The following COMMD7 variants were observed in gnomAD, a reference collection of about 807,000 sequenced individuals.
COMMD7 encodes COMM domain containing 7.
Under a neutral mutation model 34.8 loss-of-function variants are expected in COMMD7, and 28 were observed. The ratio of observed to expected loss-of-function variants is 0.80; its 90% CI spans 0.60 to 1.10. The LOEUF (loss-of-function observed/expected upper bound fraction) is 1.10. COMMD7 is among the 50% of genes least tolerant of loss of function. COMMD7 has a pLI of 0.00. For missense variants in COMMD7, 211 were observed against 241.6 expected (o/e 0.87, Z 0.84); for synonymous variants, 80 against 86.4 (o/e 0.93, Z 0.41).
At chr20:32,729,458 G>A (rs1278919383) in intron 1 of COMMD7, among the ~76,000 whole-genome samples, 1 of 151,778 alleles carries the variant, frequency 6.6e-6, no homozygotes, top group African/African-American at 2.4e-5. Flanking sequence ...ATGACCCACC[G>A]TGCCCAGCCT....
intron 1 of COMMD7, among the ~76,000 whole-genome samples, chr20:32,731,785 T>A (rs768995456): frequency 6.6e-6 from 1 of 152,230 alleles, no homozygotes; most frequent in Non-Finnish European, 1.5e-5. Context: ...CCTTTGCAAT[T>A]GCATAGGTGC....
In COMMD7 at chr20:32,727,284, C is replaced by T. The variant is rs184572164; in HGVS notation, c.241+609G>A. ...TAGATTCAGGCCGGGTACGGTGGCT[C>T]ACGCCTGTAATCCCAGCACTATGGG... On this transcript the variant is annotated intron_variant, in intron 3 of 8. Transcript: ENST00000278980. Among the ~76,000 whole-genome samples, 9 of 151,614 alleles carry T rather than the reference C, an allele frequency of 5.9e-5. No individual in the cohort carries two copies. The East Asian group carries it at 1.6e-3, about 26-fold the overall frequency.
At chr20:32,704,371 C>T (rs777653329) in intron 7 of COMMD7, 69 bp downstream of exon 7, 51 of 1,334,666 alleles carry the variant, frequency 3.8e-5, no homozygotes, top group Non-Finnish European at 4.9e-5. Flanking sequence ...ATCCATTTAA[C>T]CCAATGTAGA....
chr20:32,728,564 C>T (rs1238379886), intron 1 of COMMD7, among the ~76,000 whole-genome samples: 2 of 151,706 alleles, frequency 1.3e-5, no homozygotes, highest in African/African-American at 2.4e-5. Context: ...TATTTTCTTT[C>T]TTTTCTTTTT....
intron 3 of COMMD7, among the ~76,000 whole-genome samples, chr20:32,717,936 A>G (rs1984898682): frequency 6.6e-6 from 1 of 151,976 alleles, no homozygotes; most frequent in South Asian, 2.1e-4. Flanking sequence ...AAAGAAAAAA[A>G]AAAAGAGCCT....
chr20:32,720,810 A>G (rs930545322), intron 3 of COMMD7, among the ~76,000 whole-genome samples: 2 of 152,206 alleles, frequency 1.3e-5, no homozygotes, highest in Non-Finnish European at 2.9e-5. Flanking sequence ...CATAAAAAGA[A>G]GGAAAATACA....
chr20:32,730,661 C>T (rs887585504), intron 1 of COMMD7, among the ~76,000 whole-genome samples: 11 of 152,136 alleles, frequency 7.2e-5, no homozygotes, highest in South Asian at 2.1e-4. Flanking sequence ...CAGTGTTCTC[C>T]GTTGACTACT....
intron 8 of COMMD7, 89 bp from the exon 9 acceptor site, chr20:32,703,547 T>C: frequency 6.5e-7 from 1 of 1,529,150 alleles, no homozygotes; most frequent in Non-Finnish European, 8.8e-7. Flanking sequence ...GGATTTTTTT[T>C]TTCTTTTTTG....
At chr20:32,735,100 T>C (rs983459042) in intron 1 of COMMD7, among the ~76,000 whole-genome samples, 1 of 143,228 alleles carries the variant, frequency 7.0e-6, no homozygotes, top group Admixed American at 7.1e-5. Context: ...TAGCTGGGCA[T>C]AATGGTGAGC....
At chr20:32,712,592 G>A (rs1984526578) in intron 3 of COMMD7, among the ~76,000 whole-genome samples, 1 of 143,498 alleles carries the variant, frequency 7.0e-6, no homozygotes, top group African/African-American at 2.6e-5. Flanking sequence ...TGCACACCCT[G>A]CACATGTACC....
At chr20:32,715,628 G>A (rs113423740) in intron 3 of COMMD7, among the ~76,000 whole-genome samples, 35,776 of 142,510 alleles carry the variant, frequency 0.25, 5,235 homozygotes, top group Middle Eastern at 0.43. Context: ...GAAACATGGC[G>A]AAACCCTGTC....
intron 1 of COMMD7, among the ~76,000 whole-genome samples, chr20:32,731,821 A>G (rs1016319439): frequency 2.0e-5 from 3 of 152,186 alleles, no homozygotes; most frequent in Admixed American, 2.0e-4. Flanking sequence ...TCACCCACCC[A>G]TGGCTATCTA....
intron 1 of COMMD7, among the ~76,000 whole-genome samples, chr20:32,738,828 T>G (rs1022233634): frequency 6.6e-6 from 1 of 152,006 alleles, no homozygotes; most frequent in Non-Finnish European, 1.5e-5. Flanking sequence ...AATTTCTGAC[T>G]CAAGTGATCC....
At chr20:32,742,289 C>G (rs761759189) in intron 1 of COMMD7, among the ~76,000 whole-genome samples, 1 of 152,140 alleles carries the variant, frequency 6.6e-6, no homozygotes. Context: ...TTGCATAGCT[C>G]AAGCTTAGAA....
chr20:32,705,367 TATATATA>T (rs1479244747), intron 5 of COMMD7, among the ~76,000 whole-genome samples: 1 of 95,070 alleles, frequency 1.1e-5, no homozygotes, highest in Non-Finnish European at 2.6e-5. Context: ...TGTATATATA[TATATATA>T]TATTTTTTTT....
intron 1 of COMMD7, among the ~76,000 whole-genome samples, chr20:32,729,604 G>T (rs1233748375): frequency 7.8e-6 from 1 of 127,944 alleles, no homozygotes; most frequent in Non-Finnish European, 1.7e-5. Context: ...AACACAGCAA[G>T]ACCCCACCTC....
intron 3 of COMMD7, among the ~76,000 whole-genome samples, chr20:32,714,015 A>C (rs1300243124): frequency 6.6e-6 from 1 of 152,284 alleles, no homozygotes; most frequent in East Asian, 1.9e-4. Flanking sequence ...TGGGAGGCTG[A>C]GGCAGGAGAA....
intron 1 of COMMD7, among the ~76,000 whole-genome samples, chr20:32,734,693 C>T (rs973444834): frequency 6.6e-6 from 1 of 151,844 alleles, no homozygotes; most frequent in Admixed American, 6.6e-5. Flanking sequence ...TTCGGGAGGC[C>T]GAGGATGGCA....
chr20:32,716,183 A>AAATT (rs1188493743), intron 3 of COMMD7, among the ~76,000 whole-genome samples: 4 of 152,302 alleles, frequency 2.6e-5, no homozygotes, highest in African/African-American at 7.2e-5. Flanking sequence ...GACAATGGGG[A>AAATT]AATTAATACT....
Sources: gnomAD v4.1 joint callset for allele counts (sites outside exome capture counted in the v4.1 genomes callset) on GRCh38, gnomAD v4.1.1 for gene constraint, MANE v1.5 for transcripts, NCBI Gene and HGNC (gene_info 2026-07-23, HGNC 2026-07-21) for gene names.